IGSF11: variants seen among roughly 807,000 people sequenced by gnomAD.
IGSF11 encodes the protein CXADR like 1.
In IGSF11, 22 loss-of-function variants were observed where a neutral mutation model predicts 41.0. The observed-to-expected ratio is 0.54, with a 90% CI of 0.38 to 0.77. The LOEUF (loss-of-function observed/expected upper bound fraction) is 0.77, where lower values mean the gene tolerates loss of function less well. Among genes scored for constraint, IGSF11 ranks in the 30% least tolerant of loss-of-function variants. IGSF11 has a pLI of 0.00. For synonymous variants in IGSF11, 219 were observed against 201.3 expected, an observed-to-expected ratio of 1.09 and a Z score of -0.74; for missense variants, 444 against 530.8, an observed-to-expected ratio of 0.84 and a Z score of 1.61.
chr3:119,037,211 A>T (rs1940949412), upstream of IGSF11, among the ~76,000 whole-genome samples: 1 of 152,246 alleles, frequency 6.6e-6, no homozygotes, highest in Non-Finnish European at 1.5e-5. Flanking sequence ...TAAATCCCTT[A>T]AGTATTCTGA....
At chr3:119,087,691 G>T (rs2076699269) in intron 1 of IGSF11, among the ~76,000 whole-genome samples, 1 of 151,606 alleles carries the variant, frequency 6.6e-6, no homozygotes, top group African/African-American at 2.4e-5. Flanking sequence ...TTGGGTGATG[G>T]GTGTACCAAA....
intron 1 of IGSF11, among the ~76,000 whole-genome samples, chr3:118,937,280 A>G (rs1304678359): frequency 6.6e-6 from 1 of 152,200 alleles, no homozygotes; most frequent in Non-Finnish European, 1.5e-5. Flanking sequence ...TATATAACCT[A>G]TCAAATTAAG....
intron 1 of IGSF11, among the ~76,000 whole-genome samples, chr3:119,083,530 ACACACAAAC>A (rs1559857739): frequency 0.068 from 3,944 of 58,332 alleles, 158 homozygotes; most frequent in African/African-American, 0.19. Context: ...ACACACACAC[ACACACAAAC>A]ACACACACAC....
At chr3:119,067,050 CT>C (rs1465883860) in intron 1 of IGSF11, among the ~76,000 whole-genome samples, 1 of 152,020 alleles carries the variant, frequency 6.6e-6, no homozygotes, top group African/African-American at 2.4e-5. Context: ...TAACTGTCTG[CT>C]TTTTTCTTCA....
At chr3:118,977,695 T>G (rs1240106665) in intron 1 of IGSF11, among the ~76,000 whole-genome samples, 1 of 152,132 alleles carries the variant, frequency 6.6e-6, no homozygotes, top group African/African-American at 2.4e-5. Context: ...CATCATGGAC[T>G]ACAACAATCC....
chr3:118,961,609 T>C (rs1176893737), intron 1 of IGSF11, among the ~76,000 whole-genome samples: 3 of 152,196 alleles, frequency 2.0e-5, no homozygotes, highest in African/African-American at 7.2e-5. Flanking sequence ...TTTTTAATGA[T>C]CCTACAGTTC....
intron 1 of IGSF11, among the ~76,000 whole-genome samples, chr3:118,979,050 A>G (rs931085413): frequency 6.6e-6 from 1 of 152,178 alleles, no homozygotes; most frequent in African/African-American, 2.4e-5. Flanking sequence ...CAGAAAAATA[A>G]TTCAGATGTG....
chr3:119,047,553 A>C (rs1284285462), intron 1 of IGSF11, among the ~76,000 whole-genome samples: 2 of 152,186 alleles, frequency 1.3e-5, no homozygotes, highest in African/African-American at 4.8e-5. Context: ...TAATGGGAGA[A>C]TTTAACATCA....
intron 4 of IGSF11, among the ~76,000 whole-genome samples, chr3:118,911,545 T>C (rs894606727): frequency 6.6e-6 from 1 of 152,016 alleles, no homozygotes; most frequent in Non-Finnish European, 1.5e-5. Flanking sequence ...GGCAGGAAGA[T>C]AACTTGAGCC....
At chr3:118,935,292 GTGTATATACATATATATATATATATA>G (rs1361998174) in intron 1 of IGSF11, among the ~76,000 whole-genome samples, 12 of 113,790 alleles carry the variant, frequency 1.1e-4, no homozygotes, top group Non-Finnish European at 1.0e-4. Flanking sequence ...AAATATCAGG[GTGTATATACATATATATATATATATA>G]TGTATATACA....
Position 119,034,539 on chromosome 3 carries a change from G to A in IGSF11, c.44C>T (p.Ser15Phe), listed in dbSNP as rs554488208. ...GGGCTGGAGCTACTCACCGTGCAGA[G>A]AGAGGAGCAGCAAAGGCGCCAGAGG... ...RSPLAPLLLLSLHGVAASLEV... is the reference protein window; with the variant it reads ...RSPLAPLLLLFLHGVAASLEV... Residue 15 changes from serine to phenylalanine, a missense_variant, in exon 1 of 7, where the codon TCT becomes TTT. This residue lies in a region of IGSF11 where 28 missense variants were observed against 21.1 expected (regional missense o/e 1.33). Coordinates refer to ENST00000393775, the MANE Select transcript of IGSF11 (RefSeq NM_001015887.3). 8.8e-6 allele frequency: 14 copies of A among 1,589,394 alleles called. No individual in the cohort carries two copies. The East Asian group carries it at 2.4e-4, about 27-fold the overall frequency.
intron 1 of IGSF11, among the ~76,000 whole-genome samples, chr3:119,054,022 T>C (rs144572717): frequency 0.025 from 3,812 of 152,290 alleles, 137 homozygotes; most frequent in African/African-American, 0.087. Context: ...CAACTCAAGA[T>C]GGATCAAAGA....
At chr3:118,911,088 G>A (rs1308338340) in intron 4 of IGSF11, among the ~76,000 whole-genome samples, 2 of 152,034 alleles carry the variant, frequency 1.3e-5, no homozygotes, top group African/African-American at 4.8e-5. Context: ...CTCTGAAGCA[G>A]TTGCAGAGTA....
chr3:119,033,090 T>A (rs995602871), intron 1 of IGSF11, among the ~76,000 whole-genome samples: 3 of 152,230 alleles, frequency 2.0e-5, no homozygotes, highest in African/African-American at 7.2e-5. Flanking sequence ...AGGCTGAGTC[T>A]GCGAATTGTA....
intron 2 of IGSF11, among the ~76,000 whole-genome samples, chr3:118,929,621 A>T (rs1483850174): frequency 2.0e-5 from 3 of 152,212 alleles, no homozygotes; most frequent in Non-Finnish European, 4.4e-5. Flanking sequence ...AGTAGCTTCC[A>T]TTTTCATGTA....
intron 1 of IGSF11, among the ~76,000 whole-genome samples, chr3:119,024,339 C>G (rs1288713768): frequency 6.6e-6 from 1 of 152,058 alleles, no homozygotes; most frequent in African/African-American, 2.4e-5. Context: ...TGTTGGAATA[C>G]AAAATTCAAG....
intron 1 of IGSF11, chr3:119,105,000 C>CGAA: frequency 1.8e-6 from 1 of 544,392 alleles, no homozygotes; most frequent in Non-Finnish European, 3.3e-6. Context: ...TGATTTTTCC[C>CGAA]AGGACTTAGA....
intron 1 of IGSF11, among the ~76,000 whole-genome samples, chr3:119,040,096 C>G (rs1264151083): frequency 6.6e-6 from 1 of 152,212 alleles, no homozygotes; most frequent in Non-Finnish European, 1.5e-5. Context: ...AGGAGTCATG[C>G]AGCCAGAGGC....
chr3:118,973,355 A>G (rs1324754282), intron 1 of IGSF11, among the ~76,000 whole-genome samples: 2 of 152,344 alleles, frequency 1.3e-5, no homozygotes, highest in African/African-American at 4.8e-5. Context: ...ATCTAGGATA[A>G]GTCCCCTCAA....
Sources: gnomAD v4.1 joint callset for allele counts (sites outside exome capture counted in the v4.1 genomes callset) on GRCh38, gnomAD v4.1.1 for gene constraint, gnomAD v4.1.1 regional missense constraint, MANE v1.5 for transcripts, NCBI Gene and HGNC (gene_info 2026-07-23, HGNC 2026-07-21) for gene names.